KIF13A: variants seen among roughly 807,000 people sequenced by gnomAD.
KIF13A encodes the protein kinesin-like protein KIF13A.
A neutral mutation model predicts 212.2 loss-of-function variants in KIF13A; 79 were observed. That is an observed-to-expected ratio of 0.37 (90% CI 0.31 to 0.45). The LOEUF is 0.45. Ranked by LOEUF, KIF13A falls within the 20% of genes least tolerant of loss-of-function variation. The pLI is 1.00. For missense variants in KIF13A, 1,901 were observed against 2,209.0 expected, an observed-to-expected ratio of 0.86 and a Z score of 2.79; for synonymous variants, 789 against 808.6, an observed-to-expected ratio of 0.98 and a Z score of 0.41.
rs951752062 is a variant in KIF13A at position 17,829,152 on chromosome 6, C to T, written c.1402-782G>A. Among the ~76,000 whole-genome samples, 2 of 152,094 alleles carry T rather than the reference C, an allele frequency of 1.3e-5. No individual in the cohort carries two copies. The highest frequency in any genetic ancestry group is 2.4e-5 in the African/African-American group (1 of 41,414). ...GTACAGATGGGGGTTTCACCATGTTCGCCAGCCTGGTCTTGAACTCCTGGC... is the reference window on the plus strand; with the variant it reads ...GTACAGATGGGGGTTTCACCATGTTTGCCAGCCTGGTCTTGAACTCCTGGC... On this transcript the variant is annotated intron_variant, in intron 13 of 38. Coordinates refer to ENST00000259711, the MANE Select transcript of KIF13A (RefSeq NM_022113.6). This position sits in a 1 kb window ranked among gnomAD's most constrained non-coding sequence, Gnocchi z 5.4.
rs557491391 is a variant in KIF13A, at chr6:17,785,785, C to A, written c.3362-144G>T. 3.6e-6 allele frequency: 3 copies of A among 830,288 alleles called. No homozygotes were observed. Among genetic ancestry groups the A allele is most frequent in the Non-Finnish European group, 5.6e-6 (3 of 531,774 alleles). The allele number at this position is 830,288 out of a possible 1,614,324, so 51.4% of individuals were successfully genotyped here. A position where few individuals can be genotyped will look rare whatever the true frequency, so the allele number is the denominator to read the frequency against. On this transcript the variant is annotated intron_variant, in intron 27 of 38. Transcript: ENST00000259711. This position sits in a 1 kb window ranked among gnomAD's most constrained non-coding sequence, Gnocchi z 5.8. The stretch of plus-strand genomic sequence containing the variant: ...AAAATAGTTGGGCAGGGTGGTGGTA[C>A]GCATGCCTGTAGTCCCAGATACTCA...
rs566109034 is a variant in KIF13A at position 17,959,447 on chromosome 6, G to A, written c.146+27607C>T. ...CATTGCCACCAAAAATAAAGTTCTC[G>A]GAACACCAGATGTTTCTCTGTAGGA... On this transcript the variant is annotated intron_variant, in intron 2 of 38. Coordinates refer to ENST00000259711, the MANE Select transcript of KIF13A (RefSeq NM_022113.6). Among the ~76,000 whole-genome samples the A allele has an allele frequency of 1.3e-3, 193 of 152,236 alleles. 3 individuals carry two copies. Among genetic ancestry groups the A allele is most frequent in the South Asian group, 2.5e-3 (12 of 4,816 alleles).
intron 4 of KIF13A, among the ~76,000 whole-genome samples, chr6:17,864,387 C>A (rs1157532623): frequency 6.6e-6 from 1 of 152,170 alleles, no homozygotes; most frequent in Non-Finnish European, 1.5e-5. Flanking sequence ...CCAAAGTAAC[C>A]CATAACACAA....
At chr6:17,765,307 C>T (rs1192572563) in intron 38 of KIF13A, among the ~76,000 whole-genome samples, 1 of 152,170 alleles carries the variant, frequency 6.6e-6, no homozygotes, top group Non-Finnish European at 1.5e-5. Flanking sequence ...GATGTTTTCT[C>T]TTTTCTCATT....
intron 2 of KIF13A, among the ~76,000 whole-genome samples, chr6:17,928,811 C>A (rs1400775116): frequency 6.6e-6 from 1 of 151,980 alleles, no homozygotes; most frequent in African/African-American, 2.4e-5. Flanking sequence ...ATAGAGGTCA[C>A]ATAAAGTCCT....
intron 2 of KIF13A, among the ~76,000 whole-genome samples, chr6:17,935,566 C>T (rs920917983): frequency 1.3e-5 from 2 of 152,122 alleles, no homozygotes; most frequent in Admixed American, 1.3e-4. Flanking sequence ...AAAACCACTG[C>T]CCCAACAGAT....
Position 17,987,108 on chromosome 6 carries a change from T to G in KIF13A, c.92A>C (p.Glu31Ala). Residue 31 changes from glutamate to alanine, a missense_variant, in exon 2 of 39, where the codon GAA becomes GCA. Transcript: ENST00000259711. The surrounding 1 kb of genome is among the most constrained non-coding windows in gnomAD (Gnocchi z 7.7). ...AGGGTGCAGGACCGTTTGATTCCCT[T>G]CCATCTCCACCACGCACTTGGTGTT... ...ELNTKCVVEM[E>A]GNQTVLHPPP... 1.2e-6 allele frequency: 2 copies of G among 1,613,588 alleles called. No individual in the cohort carries two copies. The highest frequency in any genetic ancestry group is 1.7e-6 in the Non-Finnish European group (2 of 1,179,612).
At chr6:17,939,309 C>T (rs986539226) in intron 2 of KIF13A, among the ~76,000 whole-genome samples, 23 of 152,224 alleles carry the variant, frequency 1.5e-4, no homozygotes, top group Admixed American at 6.5e-4. Context: ...ATATTCAGTA[C>T]AGCAGTGATG....
At chr6:17,831,771 G>A (rs1047695656) in intron 12 of KIF13A, among the ~76,000 whole-genome samples, 2 of 149,554 alleles carry the variant, frequency 1.3e-5, no homozygotes, top group South Asian at 4.4e-4. Flanking sequence ...AGCAGTGAGA[G>A]TTAAGGCTGG....
intron 3 of KIF13A, among the ~76,000 whole-genome samples, chr6:17,874,498 C>G (rs181148491): frequency 6.6e-6 from 1 of 151,852 alleles, no homozygotes; most frequent in Non-Finnish European, 1.5e-5. Context: ...TGCAGTGGTG[C>G]GATCTCGGCT....
At chr6:17,880,398 G>C (rs924410504) in intron 3 of KIF13A, among the ~76,000 whole-genome samples, 1 of 152,084 alleles carries the variant, frequency 6.6e-6, no homozygotes, top group Middle Eastern at 3.4e-3. Context: ...AGGCCAAGGC[G>C]GGCGGATCAC....
intron 18 of KIF13A, among the ~76,000 whole-genome samples, chr6:17,805,991 T>G (rs1468919431): frequency 6.6e-6 from 1 of 151,490 alleles, no homozygotes; most frequent in East Asian, 1.9e-4. Flanking sequence ...ATGATCTTAG[T>G]GCACTGCAGC....
chr6:17,901,932 G>C (rs1773089763), intron 2 of KIF13A, among the ~76,000 whole-genome samples: 1 of 152,178 alleles, frequency 6.6e-6, no homozygotes, highest in African/African-American at 2.4e-5. Flanking sequence ...AGGAGGCAGA[G>C]GTTGCAGTTA....
chr6:17,846,681 A>G (rs1286167742), intron 9 of KIF13A, among the ~76,000 whole-genome samples: 1 of 152,146 alleles, frequency 6.6e-6, no homozygotes, highest in African/African-American at 2.4e-5. Context: ...TCAACCAGTC[A>G]TTATGAAAAA....
intron 17 of KIF13A, chr6:17,815,535 C>T: frequency 2.8e-6 from 1 of 359,142 alleles, no homozygotes; most frequent in Non-Finnish European, 5.9e-6. Flanking sequence ...CCTCTAGTGG[C>T]CCTGTTTGGG....
At chr6:17,797,489 G>A (rs1344398609) in intron 22 of KIF13A, among the ~76,000 whole-genome samples, 1 of 152,174 alleles carries the variant, frequency 6.6e-6, no homozygotes, top group Non-Finnish European at 1.5e-5. Flanking sequence ...CTAACTCAAT[G>A]AACTGTTCCT....
chr6:17,951,090 T>C lies in KIF13A; in HGVS notation c.146+35964A>G. 1 of 1,121,318 alleles carries C rather than the reference T, an allele frequency of 8.9e-7. No individual in the cohort carries two copies. Among genetic ancestry groups the C allele is most frequent in the South Asian group, 4.0e-5 (1 of 25,016 alleles). The allele number at this position is 1,121,318 out of a possible 1,614,324, so 69.5% of individuals were successfully genotyped here. On this transcript the variant is annotated intron_variant, in intron 2 of 38. Transcript: ENST00000259711. The surrounding 1 kb of genome is among the most constrained non-coding windows in gnomAD (Gnocchi z 4.9). The stretch of plus-strand genomic sequence containing the variant: ...CCTAAGGAATTGTACTTATTATATA[T>C]AACACTTTGCCAACCATCCATTTAT...
rs999283376 is a variant in KIF13A, at chr6:17,838,005, G to A, written c.831-422C>T. Among the ~76,000 whole-genome samples the A allele has an allele frequency of 2.5e-4, 38 of 150,824 alleles. No individual in the cohort carries two copies. Among genetic ancestry groups the A allele is most frequent in the Non-Finnish European group, 7.4e-5 (5 of 67,754 alleles). ...AACCAAAATATCATAAAAAGAAAGT[G>A]CTTTGTAAATGGTTTAAAAAGTTAA... On this transcript the variant is annotated intron_variant, in intron 9 of 38. Coordinates refer to ENST00000259711, the MANE Select transcript of KIF13A (RefSeq NM_022113.6). The surrounding 1 kb of genome is among the most constrained non-coding windows in gnomAD (Gnocchi z 4.2).
intron 2 of KIF13A, among the ~76,000 whole-genome samples, chr6:17,904,760 T>C (rs1773351177): frequency 6.6e-6 from 1 of 152,234 alleles, no homozygotes. Context: ...AGAAGTTTGG[T>C]GGCCAAAGGC....
Sources: allele counts gnomAD v4.1 joint callset (sites outside exome capture counted in the v4.1 genomes callset), GRCh38; gene constraint gnomAD v4.1.1; non-coding constraint Gnocchi (gnomAD v3.1); transcripts MANE v1.5; gene names NCBI Gene and HGNC (gene_info 2026-07-23, HGNC 2026-07-21).